Variants in PDE6C observed in about 807,000 individuals in gnomAD.
PDE6C encodes phosphodiesterase 6C.
PDE6C carries 75 observed loss-of-function variants against 113.1 expected under a neutral mutation model. The ratio of observed to expected loss-of-function variants is 0.66; its 90% CI spans 0.55 to 0.80. The LOEUF (loss-of-function observed/expected upper bound fraction) is 0.80. Ranked by LOEUF, PDE6C falls within the 30% of genes least tolerant of loss-of-function variation. PDE6C has a pLI of 0.00. For synonymous variants in PDE6C, 375 were observed against 363.7 expected, an observed-to-expected ratio of 1.03 and a Z score of -0.35; for missense variants, 912 against 1,038.6, an observed-to-expected ratio of 0.88 and a Z score of 1.67.
chr10:93,639,938 C>T (rs2058550866), intron 11 of PDE6C, 132 bp from the exon 12 acceptor site: 1 of 900,654 alleles, frequency 1.1e-6, no homozygotes, highest in Non-Finnish European at 1.9e-6. Context: ...CAGTGCCTGG[C>T]ACATGGTGGT....
intron 15 of PDE6C, 102 bp downstream of exon 15, chr10:93,646,149 T>G (rs111655092): frequency 4.1e-6 from 3 of 734,134 alleles, no homozygotes; most frequent in African/African-American, 1.7e-5. Flanking sequence ...TTACAGCAGT[T>G]GATAGTGTAT....
intron 15 of PDE6C, among the ~76,000 whole-genome samples, chr10:93,647,090 C>T (rs1053154555): frequency 6.6e-6 from 1 of 152,126 alleles, no homozygotes; most frequent in African/African-American, 2.4e-5. Flanking sequence ...CATTCTTCTT[C>T]CCTTGATCAA....
At chr10:93,622,650 G>GTTGTTTTT (rs2058453304) in intron 4 of PDE6C, among the ~76,000 whole-genome samples, 1 of 107,472 alleles carries the variant, frequency 9.3e-6, no homozygotes, top group Non-Finnish European at 1.8e-5. Flanking sequence ...TTTTTTTTTT[G>GTTGTTTTT]TTTTTTTTTT....
In PDE6C at chr10:93,665,541, T is replaced by C; in HGVS notation, c.*123T>C. ...CTTCAGAAAAACTACCCTGTGACTA[T>C]GAAGAAAATATATATTGCTAGCCCA... On this transcript the variant is annotated 3_prime_UTR_variant, in exon 22 of 22. Transcript: ENST00000371447. 1.4e-6 allele frequency: 1 copy of C among 731,742 alleles called. No individual in the cohort carries two copies. Among genetic ancestry groups the C allele is most frequent in the East Asian group, 2.7e-5 (1 of 37,594 alleles). The allele number at this position is 731,742 out of a possible 1,614,324, so 45.3% of individuals were successfully genotyped here. A position where few individuals can be genotyped will look rare whatever the true frequency, so the allele number is the denominator to read the frequency against.
chr10:93,636,884 C>T, intron 10 of PDE6C, 111 bp from the exon 11 acceptor site: 1 of 712,154 alleles, frequency 1.4e-6, no homozygotes, highest in Non-Finnish European at 2.5e-6. Flanking sequence ...CTTCCCGCCT[C>T]TTCCTCCCAC....
chr10:93,635,416 T>C, intron 9 of PDE6C, 81 bp from the exon 10 acceptor site: 1 of 1,064,738 alleles, frequency 9.4e-7, no homozygotes, highest in East Asian at 2.4e-5. Flanking sequence ...GGGAGATGGA[T>C]AGAAAAGCGT....
intron 1 of PDE6C, among the ~76,000 whole-genome samples, chr10:93,615,860 G>A (rs1370702474): frequency 2.6e-5 from 4 of 152,180 alleles, no homozygotes; most frequent in Non-Finnish European, 5.9e-5. Context: ...TCCTATGGAG[G>A]ACAGGAAGTT....
intron 13 of PDE6C, among the ~76,000 whole-genome samples, 167 bp from the exon 14 acceptor site, chr10:93,640,753 T>C (rs12780304): frequency 0.43 from 65,852 of 151,904 alleles, 14,775 homozygotes; most frequent in Non-Finnish European, 0.49. Context: ...CTTACCTTCT[T>C]AAAGGAAGGT....
chr10:93,620,709 G>A lies in PDE6C; in HGVS notation c.558G>A (p.Val186=), dbSNP rs200979646. 3.0e-5 allele frequency: 49 copies of A among 1,614,054 alleles called. No individual in the cohort carries two copies. Among genetic ancestry groups the A allele is most frequent in the East Asian group, 2.9e-4 (13 of 44,886 alleles). Residue 186 remains valine (V), a synonymous_variant, in exon 2 of 22, where the codon GTG becomes GTA. Coordinates refer to ENST00000371447, the MANE Select transcript of PDE6C (RefSeq NM_006204.4). ...ACCTGCTGGCAACCCCGATCGTGGT[G>A]GGCAAGGAGGTTCTTGCTGTGATCA... ...TKNLLATPIV[V]GKEVLAVIMA...
intron 15 of PDE6C, among the ~76,000 whole-genome samples, chr10:93,654,794 C>CTTTCTTTCTTTCT: frequency 1.4e-5 from 1 of 73,058 alleles, no homozygotes; most frequent in South Asian, 4.9e-4. Context: ...TTCTTTCTTT[C>CTTTCTTTCTTTCT]TTTCTTTCTT....
intron 4 of PDE6C, among the ~76,000 whole-genome samples, chr10:93,624,586 G>C (rs1358408165): frequency 1.3e-5 from 2 of 152,144 alleles, no homozygotes; most frequent in African/African-American, 4.8e-5. Context: ...TTTTTTCAGA[G>C]TAATTGTTCT....
intron 7 of PDE6C, among the ~76,000 whole-genome samples, chr10:93,628,153 C>T (rs955380056): frequency 5.9e-5 from 9 of 152,176 alleles, no homozygotes; most frequent in South Asian, 2.1e-4. Context: ...AGCTGATTTC[C>T]CCAGCACCCA....
At chr10:93,618,181 G>A (rs1012612688) in intron 1 of PDE6C, among the ~76,000 whole-genome samples, 2 of 152,112 alleles carry the variant, frequency 1.3e-5, no homozygotes, top group African/African-American at 4.8e-5. Flanking sequence ...ATTAAAACTA[G>A]AAGCAAAATG....
At chr10:93,645,123 A>T (rs1334694953) in intron 14 of PDE6C, among the ~76,000 whole-genome samples, 1 of 151,890 alleles carries the variant, frequency 6.6e-6, no homozygotes, top group Non-Finnish European at 1.5e-5. Flanking sequence ...TGGTTATAGA[A>T]ACTGGGATTT....
intron 8 of PDE6C, among the ~76,000 whole-genome samples, chr10:93,634,133 C>T (rs530308910): frequency 1.2e-4 from 19 of 152,214 alleles, no homozygotes; most frequent in African/African-American, 4.3e-4. Context: ...AGCAATTCTC[C>T]TGCCTCAGCC....
chr10:93,664,130 G>A (rs2133880414), intron 21 of PDE6C, among the ~76,000 whole-genome samples: 1 of 152,316 alleles, frequency 6.6e-6, no homozygotes, highest in South Asian at 2.1e-4. Context: ...AAAGCCCGGT[G>A]TTAGGCAGGC....
chr10:93,626,498 T>C lies in PDE6C; in HGVS notation c.940-142T>C, dbSNP rs2134599069. 7.9e-6 allele frequency: 5 copies of C among 633,578 alleles called. No homozygotes were observed. The East Asian group carries it at 1.4e-4, about 17-fold the overall frequency. 39.2% of individuals were successfully genotyped at this position (633,578 alleles called of 1,614,324 possible). A position where few individuals can be genotyped will look rare whatever the true frequency, so the allele number is the denominator to read the frequency against. On this transcript the variant is annotated intron_variant, in intron 5 of 21. Transcript: ENST00000371447. ...TATAAGTTTGTAGTCAGGATATAAG[T>C]AGTTTGATAATTTATGTTATAATAT...
rs537544204 is a variant in PDE6C at position 93,657,373 on chromosome 10, G to A, written c.2036+1513G>A. Among the ~76,000 whole-genome samples the A allele has an allele frequency of 3.0e-5, 4 of 133,136 alleles. No individual in the cohort carries two copies. The South Asian group carries it at 9.7e-4, about 32-fold the overall frequency. The allele number at this position is 133,136 out of a possible 152,430, so 87.3% of individuals were successfully genotyped here. The stretch of plus-strand genomic sequence containing the variant: ...TTTTTTTTTGTATTTTAGTAGAGAT[G>A]GGGTTTCACCATGTTGGCCAGGATG... On this transcript the variant is annotated intron_variant, in intron 16 of 21. Coordinates refer to ENST00000371447, the MANE Select transcript of PDE6C (RefSeq NM_006204.4).
rs616522 is a variant in PDE6C, at chr10:93,635,490, A to G, written c.1270-7A>G. 0.75 allele frequency: 1,201,337 copies of G among 1,605,934 alleles called. 450,883 individuals carry two copies. Among genetic ancestry groups the G allele is most frequent in the South Asian group, 0.83 (75,203 of 90,870 alleles). On this transcript the variant is annotated splice_polypyrimidine_tract_variant and splice_region_variant and intron_variant, in intron 9 of 21. Coordinates refer to ENST00000371447, the MANE Select transcript of PDE6C (RefSeq NM_006204.4). Reference sequence around the variant, plus strand: ...AGAGAATTAGAATCACCTTTTATCCATTTCAGACTCTCACACAATTTCTTG... The same window carrying G: ...AGAGAATTAGAATCACCTTTTATCCGTTTCAGACTCTCACACAATTTCTTG...
Sources: gnomAD v4.1 joint callset for allele counts (sites outside exome capture counted in the v4.1 genomes callset) on GRCh38, gnomAD v4.1.1 for gene constraint, MANE v1.5 for transcripts, NCBI Gene and HGNC (gene_info 2026-07-23, HGNC 2026-07-21) for gene names.